GPHN: variants seen among roughly 807,000 people sequenced by gnomAD.
The protein encoded by GPHN is gephyrin.
In GPHN, 17 loss-of-function variants were observed where a neutral mutation model predicts 95.5. That is an observed-to-expected ratio of 0.18 (90% confidence interval 0.12 to 0.27). The LOEUF is 0.27. GPHN is among the 10% of genes least tolerant of loss of function. The probability of loss-of-function intolerance (pLI) is 1.00; values close to 1 mark genes in which losing one functional copy is unlikely to be tolerated. For missense variants in GPHN, 660 were observed against 978.1 expected (o/e 0.67, Z 4.34); for synonymous variants, 320 against 322.5 (o/e 0.99, Z 0.08).
intron 1 of GPHN, among the ~76,000 whole-genome samples, chr14:66,621,957 C>G (rs1747709841): frequency 6.6e-6 from 1 of 152,116 alleles, no homozygotes; most frequent in African/African-American, 2.4e-5. Flanking sequence ...GATGGTGGCC[C>G]TTTCTCACAG....
intron 8 of GPHN, among the ~76,000 whole-genome samples, chr14:66,937,280 A>G (rs921205954): frequency 2.0e-5 from 3 of 152,186 alleles, no homozygotes; most frequent in Admixed American, 6.5e-5. Flanking sequence ...TTAGCATTAC[A>G]GGCATGAGCC....
chr14:67,723,141 C>T, the GPHN span, among the ~76,000 whole-genome samples: 3 of 152,234 alleles, frequency 2.0e-5, no homozygotes, highest in Non-Finnish European at 4.4e-5. Context: ...ACAAACTCTT[C>T]TGCCTTTGAG....
intron 5 of GPHN, among the ~76,000 whole-genome samples, chr14:66,899,232 T>G (rs896095775): frequency 2.0e-5 from 3 of 151,806 alleles, no homozygotes; most frequent in African/African-American, 7.2e-5. Flanking sequence ...TTTTACTTCA[T>G]TCTTTGTGAT....
chr14:66,835,672 G>C (rs1440344562), intron 4 of GPHN, among the ~76,000 whole-genome samples: 1 of 152,096 alleles, frequency 6.6e-6, no homozygotes, highest in Non-Finnish European at 1.5e-5. Flanking sequence ...GTCTGCAGAT[G>C]ACATGATTGT....
rs986331949 is a variant in GPHN at position 66,985,624 on chromosome 14, A to T, written c.963+20299A>T. The T allele has an allele frequency of 7.7e-6, 9 of 1,167,566 alleles. No individual in the cohort carries two copies. The African/African-American group carries it at 1.2e-4, about 16-fold the overall frequency. The allele number at this position is 1,167,566 out of a possible 1,614,324, so 72.3% of individuals were successfully genotyped here. A position where few individuals can be genotyped will look rare whatever the true frequency, so the allele number is the denominator to read the frequency against. ...GTATTACTTACTAATGTATAGAAAAATTTTTAAGTTCACTTTTTCTTTATT... is the reference window on the plus strand; with the variant it reads ...GTATTACTTACTAATGTATAGAAAATTTTTTAAGTTCACTTTTTCTTTATT... On this transcript the variant is annotated intron_variant, in intron 9 of 22. Coordinates refer to ENST00000478722, the MANE Select transcript of GPHN (RefSeq NM_020806.5).
At chr14:67,425,905 CA>C in the GPHN span, among the ~76,000 whole-genome samples, 17 of 149,154 alleles carry the variant, frequency 1.1e-4, no homozygotes, top group African/African-American at 2.0e-4. Context: ...CATCTTGTCT[CA>C]AAAAAAAAAT....
chr14:67,038,807 T>C (rs1237214187), intron 10 of GPHN, among the ~76,000 whole-genome samples: 2 of 152,182 alleles, frequency 1.3e-5, no homozygotes, highest in Non-Finnish European at 2.9e-5. Flanking sequence ...TTTATACAAT[T>C]ACACTCCCAC....
At chr14:67,280,807 C>CCTTCCTTT in the GPHN span, among the ~76,000 whole-genome samples, 1 of 109,396 alleles carries the variant, frequency 9.1e-6, no homozygotes, top group Admixed American at 9.9e-5. Flanking sequence ...TTCCTTCCTT[C>CCTTCCTTT]CTTCCTTCCT....
chr14:66,558,215 A>G (rs2060085891), intron 1 of GPHN, among the ~76,000 whole-genome samples: 2 of 152,142 alleles, frequency 1.3e-5, no homozygotes. Flanking sequence ...TGTATAAGAT[A>G]CTGTATAAGC....
At chr14:67,283,884 G>A in the GPHN span, among the ~76,000 whole-genome samples, 1 of 152,156 alleles carries the variant, frequency 6.6e-6, no homozygotes, top group Non-Finnish European at 1.5e-5. Context: ...ACTTATTTCT[G>A]CCTGCGAAGA....
At chr14:67,204,845 C>T in the GPHN span, 2 of 1,613,994 alleles carry the variant, frequency 1.2e-6, no homozygotes, top group Non-Finnish European at 1.7e-6. Context: ...TATGCAGGTA[C>T]AGGCCCTGAA....
chr14:66,937,312 A>T (rs541862430), intron 8 of GPHN, among the ~76,000 whole-genome samples: 22 of 152,036 alleles, frequency 1.4e-4, no homozygotes, highest in Admixed American at 4.6e-4. Context: ...CCTCTAAGAT[A>T]GTTTTTATTT....
intron 2 of GPHN, among the ~76,000 whole-genome samples, chr14:66,774,248 C>T (rs1014520101): frequency 7.9e-5 from 12 of 152,018 alleles, no homozygotes; most frequent in African/African-American, 2.7e-4. Context: ...GTGATCCGCC[C>T]GCCTCGGGCT....
chr14:67,574,011 C>T, the GPHN span: 30 of 761,866 alleles, frequency 3.9e-5, no homozygotes, highest in African/African-American at 1.6e-4. This position sits in a 1 kb window ranked among gnomAD's most constrained non-coding sequence, Gnocchi z 4.2. Context: ...AACATTTGGA[C>T]GTGATCCTAA....
At chr14:66,720,239 AGGAATAT>A (rs1403355262) in intron 2 of GPHN, among the ~76,000 whole-genome samples, 5 of 152,192 alleles carry the variant, frequency 3.3e-5, no homozygotes, top group Admixed American at 6.6e-5. Flanking sequence ...TAAAGAGTAA[AGGAATAT>A]GTTCAAATTT....
intron 6 of GPHN, among the ~76,000 whole-genome samples, chr14:66,917,678 A>T (rs886377183): frequency 3.9e-5 from 6 of 152,272 alleles, no homozygotes; most frequent in African/African-American, 1.4e-4. Flanking sequence ...CCTTCATTTT[A>T]GCTAGCATAG....
At chr14:67,692,990 A>G in the GPHN span, 1 of 1,614,106 alleles carries the variant, frequency 6.2e-7, no homozygotes, top group South Asian at 1.1e-5. Flanking sequence ...AGCTCCTGTG[A>G]CCACAACTAC....
chr14:66,739,796 A>G (rs576605102), intron 2 of GPHN, among the ~76,000 whole-genome samples: 8 of 152,238 alleles, frequency 5.3e-5, no homozygotes, highest in Middle Eastern at 3.4e-3. Flanking sequence ...GACATTAAAT[A>G]TTGGAATGAT....
intron 1 of GPHN, among the ~76,000 whole-genome samples, chr14:66,556,006 T>C (rs2059993699): frequency 6.6e-6 from 1 of 152,200 alleles, no homozygotes. Context: ...ACCTAGGCTA[T>C]ATGTTATAGC....
Sources: allele counts gnomAD v4.1 joint callset (sites outside exome capture counted in the v4.1 genomes callset), GRCh38; gene constraint gnomAD v4.1.1; non-coding constraint Gnocchi (gnomAD v3.1); transcripts MANE v1.5; gene names NCBI Gene and HGNC (gene_info 2026-07-23, HGNC 2026-07-21).